The following SYNPR variants were observed in gnomAD, a reference collection of about 807,000 sequenced individuals.
The protein encoded by SYNPR is synaptoporin.
In SYNPR, 23 loss-of-function variants were observed where a neutral mutation model predicts 32.9. The observed-to-expected ratio is 0.70, with a 90% CI of 0.50 to 0.99. The LOEUF is 0.99. SYNPR is among the 50% of genes least tolerant of loss of function. SYNPR has a pLI of 0.00. For synonymous variants in SYNPR, 146 were observed against 135.9 expected (o/e 1.07, Z -0.52); for missense variants, 318 against 349.3 (o/e 0.91, Z 0.71).
At chr3:63,501,564 T>C (rs917854848) in intron 3 of SYNPR, among the ~76,000 whole-genome samples, 1 of 147,002 alleles carries the variant, frequency 6.8e-6, no homozygotes, top group African/African-American at 2.5e-5. Context: ...AAAATGAAAG[T>C]AATCACATGT....
intron 4 of SYNPR, among the ~76,000 whole-genome samples, chr3:63,585,581 T>G (rs543270995): frequency 3.6e-4 from 55 of 152,012 alleles, no homozygotes; most frequent in African/African-American, 1.2e-3. Context: ...TATCCACAAC[T>G]TCCCACTTTT....
chr3:63,500,961 G>A (rs569974539), intron 3 of SYNPR, among the ~76,000 whole-genome samples: 6 of 152,188 alleles, frequency 3.9e-5, no homozygotes, highest in Non-Finnish European at 7.4e-5. Context: ...TTTCTAATTT[G>A]GAAAATGAAA....
At chr3:63,218,072 G>T in the SYNPR span, among the ~76,000 whole-genome samples, 25 of 152,118 alleles carry the variant, frequency 1.6e-4, no homozygotes, top group African/African-American at 5.8e-4. Flanking sequence ...GGTGGAGGTT[G>T]CAGTGACCCA....
At chr3:63,453,936 A>G (rs954037231) in intron 2 of SYNPR, among the ~76,000 whole-genome samples, 4 of 152,186 alleles carry the variant, frequency 2.6e-5, no homozygotes, top group African/African-American at 7.2e-5. Flanking sequence ...AATTATCTGT[A>G]TTATCATGAT....
upstream of SYNPR, among the ~76,000 whole-genome samples, chr3:63,275,180 C>T (rs1369516947): frequency 6.6e-6 from 1 of 152,192 alleles, no homozygotes; most frequent in Non-Finnish European, 1.5e-5. Flanking sequence ...TCACCCTTAA[C>T]CACTGATAGT....
chr3:63,408,670 G>A (rs190128217), intron 2 of SYNPR, among the ~76,000 whole-genome samples: 3 of 152,306 alleles, frequency 2.0e-5, no homozygotes, highest in Admixed American at 1.3e-4. Flanking sequence ...CCAGGAGAGA[G>A]AGCACACATT....
At chr3:63,557,221 G>A (rs1341685169) in intron 4 of SYNPR, among the ~76,000 whole-genome samples, 1 of 151,970 alleles carries the variant, frequency 6.6e-6, no homozygotes, top group Non-Finnish European at 1.5e-5. Flanking sequence ...AATCAATATA[G>A]CCCAGCATTT....
At chr3:63,579,243 A>G (rs1703046905) in intron 4 of SYNPR, among the ~76,000 whole-genome samples, 1 of 152,114 alleles carries the variant, frequency 6.6e-6, no homozygotes, top group African/African-American at 2.4e-5. Flanking sequence ...CTAGGTTGAT[A>G]AACTTACCAG....
At chr3:63,268,394 C>A (rs1260157280) in intron 3 of SYNPR, among the ~76,000 whole-genome samples, 1 of 152,092 alleles carries the variant, frequency 6.6e-6, no homozygotes, top group Non-Finnish European at 1.5e-5. Context: ...TATTGACCCC[C>A]CACCAAAACT....
At chr3:63,524,480 T>C (rs527669671) in intron 3 of SYNPR, among the ~76,000 whole-genome samples, 169 of 152,272 alleles carry the variant, frequency 1.1e-3, no homozygotes, top group Admixed American at 2.0e-3. Context: ...CATCCTATAT[T>C]TTAAACAATT....
chr3:63,491,722 T>C (rs369519132), intron 3 of SYNPR, among the ~76,000 whole-genome samples: 2 of 151,818 alleles, frequency 1.3e-5, no homozygotes, highest in African/African-American at 2.4e-5. Context: ...GGTTTCACCA[T>C]GTTGGCCATG....
intron 2 of SYNPR, among the ~76,000 whole-genome samples, chr3:63,448,455 A>G (rs1182610280): frequency 1.3e-5 from 2 of 152,218 alleles, no homozygotes; most frequent in African/African-American, 4.8e-5. Context: ...TATTGCAAGG[A>G]CTTCTTAAGT....
At chr3:63,481,443 A>ATGTGTG (rs201616193) in intron 3 of SYNPR, among the ~76,000 whole-genome samples, 58 of 119,810 alleles carry the variant, frequency 4.8e-4, no homozygotes, top group South Asian at 2.1e-3. Flanking sequence ...GTGTATATAT[A>ATGTGTG]TATATATATG....
intron 4 of SYNPR, among the ~76,000 whole-genome samples, chr3:63,590,789 T>A (rs1198423166): frequency 4.3e-4 from 50 of 115,098 alleles, no homozygotes; most frequent in East Asian, 9.1e-4. Context: ...TCCTTACACC[T>A]TATACAAAAA....
chr3:63,305,608 C>T (rs2086901623), intron 2 of SYNPR, among the ~76,000 whole-genome samples: 1 of 151,902 alleles, frequency 6.6e-6, no homozygotes, highest in Non-Finnish European at 1.5e-5. Flanking sequence ...AATACATATA[C>T]ACTTCGGTCT....
At chr3:63,410,520 G>A (rs776193734) in intron 2 of SYNPR, among the ~76,000 whole-genome samples, 12 of 152,172 alleles carry the variant, frequency 7.9e-5, no homozygotes, top group Non-Finnish European at 1.5e-4. Context: ...AAAGGAAGAT[G>A]AGCAAGATAC....
chr3:63,211,355 C>T, the SYNPR span, among the ~76,000 whole-genome samples: 22 of 152,176 alleles, frequency 1.4e-4, no homozygotes, highest in Non-Finnish European at 2.2e-4. Flanking sequence ...GCATGAGCCA[C>T]CGTGCCCGGC....
chr3:63,511,122 TTGGGTATTGGGAATCATGGACCC>T (rs1701690721), intron 3 of SYNPR, among the ~76,000 whole-genome samples: 1 of 151,906 alleles, frequency 6.6e-6, no homozygotes, highest in Admixed American at 6.6e-5. Context: ...CTTATGCTTT[TTGGGTATTGGGAATCATGGACCC>T]TGAGTACTGG....
At chr3:63,440,739 G>A (rs563232563) in intron 2 of SYNPR, among the ~76,000 whole-genome samples, 1 of 152,166 alleles carries the variant, frequency 6.6e-6, no homozygotes, top group African/African-American at 2.4e-5. Flanking sequence ...GAGAAAAACA[G>A]AGACGTGGAC....
Sources: gnomAD v4.1 joint callset for allele counts (sites outside exome capture counted in the v4.1 genomes callset) on GRCh38, gnomAD v4.1.1 for gene constraint, MANE v1.5 for transcripts, NCBI Gene and HGNC (gene_info 2026-07-23, HGNC 2026-07-21) for gene names.